GRAMD2B: variants seen among roughly 807,000 people sequenced by gnomAD.
GRAMD2B encodes GRAM domain containing 2B.
A neutral mutation model predicts 59.2 loss-of-function variants in GRAMD2B; 41 were observed. The observed-to-expected ratio is 0.69, with a 90% CI of 0.54 to 0.90. The LOEUF (loss-of-function observed/expected upper bound fraction) is 0.90. Among genes scored for constraint, GRAMD2B ranks in the 40% least tolerant of loss-of-function variants. The pLI is 0.00. For synonymous variants in GRAMD2B, 161 were observed against 182.7 expected (o/e 0.88, Z 0.96); for missense variants, 424 against 500.5 (o/e 0.85, Z 1.46).
In GRAMD2B at chr5:126,493,276, C is replaced by A. The variant is rs999947169; in HGVS notation, c.*320C>A. On this transcript the variant is annotated 3_prime_UTR_variant, in exon 14 of 14. Coordinates refer to ENST00000285689, the MANE Select transcript of GRAMD2B (RefSeq NM_023927.4). ...ATTACCACGATGGCGTCAGCAAACA[C>A]TCCACCCTGTGCCTTTTTAGTCCTT... is the stretch of plus-strand genomic sequence containing the variant. The A allele has an allele frequency of 6.4e-6, 2 of 314,364 alleles. No individual in the cohort carries two copies. The highest frequency in any genetic ancestry group is 4.3e-5 in the Admixed American group (1 of 23,128). The allele number at this position is 314,364 out of a possible 1,614,324, so 19.5% of individuals were successfully genotyped here. A position where few individuals can be genotyped will look rare whatever the true frequency, so the allele number is the denominator to read the frequency against.
chr5:126,488,873 A>G lies in GRAMD2B; in HGVS notation c.1238A>G (p.Asn413Ser). Reference sequence around the variant, plus strand: ...GTTCTCTGTCAAGAGCTTACAGCTAACATAGTGAAATTAGAAAAGGTGACC... The same window carrying G: ...GTTCTCTGTCAAGAGCTTACAGCTAGCATAGTGAAATTAGAAAAGGTGACC... ...VEVLCQELTA[N>S]IVKLEKIQNN... Residue 413 changes from asparagine to serine, a missense_variant, in exon 13 of 14, where the codon AAC becomes AGC. Asn to Ser is a conservative substitution (Grantham distance 46). Coordinates refer to ENST00000285689, the MANE Select transcript of GRAMD2B (RefSeq NM_023927.4). 6.2e-7 allele frequency: 1 copy of G among 1,613,404 alleles called. No homozygotes were observed. Among genetic ancestry groups the G allele is most frequent in the Non-Finnish European group, 8.5e-7 (1 of 1,179,450 alleles).
At chr5:126,393,664 C>T (rs1010079104) in intron 1 of GRAMD2B, among the ~76,000 whole-genome samples, 5 of 152,164 alleles carry the variant, frequency 3.3e-5, no homozygotes, top group African/African-American at 1.2e-4. Flanking sequence ...GAACCATTTG[C>T]AGACCATACC....
At chr5:126,456,196 G>T (rs1245048820) in intron 1 of GRAMD2B, among the ~76,000 whole-genome samples, 1 of 151,574 alleles carries the variant, frequency 6.6e-6, no homozygotes. Context: ...TCCCCTATCT[G>T]CCCCCTCAGT....
In GRAMD2B at chr5:126,480,530, G is replaced by A. The variant is rs768699548; in HGVS notation, c.654+3G>A. On this transcript the variant is annotated splice_donor_region_variant and intron_variant, in intron 7 of 13. Transcript: ENST00000285689. ...AATCTGTGTGTGGACACTTAGAAGT[G>A]AGTATGATGTCCCTGAGCCTCAATT... is the stretch of plus-strand genomic sequence containing the variant. The A allele has an allele frequency of 6.2e-6, 10 of 1,611,344 alleles. No individual in the cohort carries two copies. The Admixed American group carries it at 1.2e-4, about 19-fold the overall frequency.
intron 1 of GRAMD2B, among the ~76,000 whole-genome samples, chr5:126,408,325 C>T (rs1758441374): frequency 6.6e-6 from 1 of 151,940 alleles, no homozygotes; most frequent in Admixed American, 6.6e-5. Flanking sequence ...ATATATGTGC[C>T]ACATTTTCTT....
At chr5:126,461,551 G>T (rs931373203) in intron 1 of GRAMD2B, among the ~76,000 whole-genome samples, 1 of 152,200 alleles carries the variant, frequency 6.6e-6, no homozygotes, top group African/African-American at 2.4e-5. Context: ...TGTAATCCCA[G>T]CACTTTGGGA....
chr5:126,384,806 G>A (rs1190934853), intron 1 of GRAMD2B, among the ~76,000 whole-genome samples: 2 of 152,164 alleles, frequency 1.3e-5, no homozygotes, highest in Non-Finnish European at 2.9e-5. Context: ...CTTCAAAACT[G>A]GGCCAGGTAT....
chr5:126,376,046 G>A (rs1371936287), intron 1 of GRAMD2B, among the ~76,000 whole-genome samples: 6 of 152,200 alleles, frequency 3.9e-5, no homozygotes, highest in Admixed American at 3.9e-4. Context: ...AGTTGACTGG[G>A]AAAGGCTTTG....
intron 5 of GRAMD2B, among the ~76,000 whole-genome samples, chr5:126,476,850 C>A (rs1770722140): frequency 1.3e-5 from 2 of 152,104 alleles, no homozygotes; most frequent in Admixed American, 1.3e-4. Context: ...AATTTTTATT[C>A]AACACTGGGC....
intron 1 of GRAMD2B, among the ~76,000 whole-genome samples, chr5:126,397,932 A>G (rs1757502645): frequency 2.6e-5 from 4 of 151,398 alleles, no homozygotes; most frequent in Admixed American, 6.6e-5. Context: ...AAAATTTAAG[A>G]TGGACTGCTA....
At chr5:126,419,483 G>A (rs1369919201), upstream of GRAMD2B, among the ~76,000 whole-genome samples, 1 of 152,080 alleles carries the variant, frequency 6.6e-6, no homozygotes, top group African/African-American at 2.4e-5. Flanking sequence ...CAACACTCGG[G>A]ATCCCAATTC....
intron 1 of GRAMD2B, among the ~76,000 whole-genome samples, chr5:126,376,145 T>C (rs1039634258): frequency 6.6e-6 from 1 of 152,250 alleles, no homozygotes; most frequent in African/African-American, 2.4e-5. Context: ...AGATTTATTA[T>C]GCAAATTAGC....
At chr5:126,409,835 G>A (rs1291526976) in intron 1 of GRAMD2B, among the ~76,000 whole-genome samples, 1 of 152,146 alleles carries the variant, frequency 6.6e-6, no homozygotes, top group African/African-American at 2.4e-5. Context: ...TAATGTTTAA[G>A]TCTTTAATCC....
chr5:126,371,367 G>T, exon 1 of GRAMD2B: 18 of 1,216,436 alleles, frequency 1.5e-5, no homozygotes, highest in Non-Finnish European at 1.9e-5. Flanking sequence ...GAAACGCAGA[G>T]ATTTTCATAT....
chr5:126,444,036 G>A (rs1206418043), intron 1 of GRAMD2B, among the ~76,000 whole-genome samples: 3 of 151,394 alleles, frequency 2.0e-5, no homozygotes, highest in Non-Finnish European at 4.4e-5. Context: ...TGGGCAAGAA[G>A]AGTGAAACTC....
At chr5:126,482,219 G>A (rs1166530291) in intron 8 of GRAMD2B, among the ~76,000 whole-genome samples, 1 of 152,108 alleles carries the variant, frequency 6.6e-6, no homozygotes, top group Non-Finnish European at 1.5e-5. Flanking sequence ...CTTTCTTTGG[G>A]GGTTGATGGA....
intron 1 of GRAMD2B, among the ~76,000 whole-genome samples, chr5:126,452,021 A>G (rs116708495): frequency 3.9e-5 from 6 of 152,128 alleles, no homozygotes; most frequent in African/African-American, 7.2e-5. Flanking sequence ...TGCCGGCACT[A>G]TGCTTCCTAG....
At chr5:126,439,053 G>A (rs1462172056) in intron 1 of GRAMD2B, among the ~76,000 whole-genome samples, 1 of 152,134 alleles carries the variant, frequency 6.6e-6, no homozygotes, top group Non-Finnish European at 1.5e-5. Context: ...TATTGACCAC[G>A]AGGGATTATG....
At chr5:126,437,641 C>T (rs75029938) in intron 1 of GRAMD2B, among the ~76,000 whole-genome samples, 4,397 of 152,046 alleles carry the variant, frequency 0.029, 86 homozygotes, top group African/African-American at 0.038. Flanking sequence ...ATAAACAGAA[C>T]GGCAGAGAAT....
Sources: allele counts gnomAD v4.1 joint callset (sites outside exome capture counted in the v4.1 genomes callset), GRCh38; gene constraint gnomAD v4.1.1; transcripts MANE v1.5; gene names NCBI Gene and HGNC (gene_info 2026-07-23, HGNC 2026-07-21).